RUNDC3B: variants seen among roughly 807,000 people sequenced by gnomAD.
RUNDC3B encodes RUN domain-containing protein 3B.
In RUNDC3B, 33 loss-of-function variants were observed where a neutral mutation model predicts 58.4. The observed-to-expected ratio is 0.56, with a 90% CI of 0.43 to 0.75. The LOEUF is 0.75. RUNDC3B is among the 30% of genes least tolerant of loss of function. The pLI, the probability that RUNDC3B is intolerant of heterozygous loss-of-function variation, is 0.00. For synonymous variants in RUNDC3B, 193 were observed against 195.2 expected (o/e 0.99, Z 0.10); for missense variants, 501 against 535.7 (o/e 0.94, Z 0.64).
In RUNDC3B at chr7:87,659,271, G is replaced by A. The variant is rs1399902699; in HGVS notation, c.238+8334G>A. ...CCATTTTACTTTTAGTTTTCTGTTT[G>A]TTCCCCCTGTTCTTGGTTTCTCTGT... is the stretch of plus-strand genomic sequence containing the variant. On this transcript the variant is annotated intron_variant, in intron 2 of 10. Coordinates refer to ENST00000394654, the MANE Select transcript of RUNDC3B (RefSeq NM_001134405.2). 128 of 405,876 alleles carry A rather than the reference G, an allele frequency of 3.2e-4. 1 individual carries two copies. Among genetic ancestry groups the A allele is most frequent in the Non-Finnish European group, 3.4e-5 (7 of 204,736 alleles). The allele number at this position is 405,876 out of a possible 1,614,324, so 25.1% of individuals were successfully genotyped here. A position where few individuals can be genotyped will look rare whatever the true frequency, so the allele number is the denominator to read the frequency against.
Position 87,831,092 on chromosome 7 carries a change from A to G in RUNDC3B, c.*1062A>G, listed in dbSNP as rs1838103197. The G allele has an allele frequency of 6.6e-6, 1 of 150,632 alleles. No individual in the cohort carries two copies. The highest frequency in any genetic ancestry group is 1.5e-5 in the Non-Finnish European group (1 of 67,584). The allele number at this position is 150,632 out of a possible 1,614,324, so 9.3% of individuals were successfully genotyped here. ...GTAAAATTAGTTTTTTTTTTTTTAA[A>G]GTTGTAATCTGTACTTTTTTTTTTT... is the stretch of plus-strand genomic sequence containing the variant. On this transcript the variant is annotated 3_prime_UTR_variant, in exon 11 of 11. Coordinates refer to ENST00000394654, the MANE Select transcript of RUNDC3B (RefSeq NM_001134405.2).
chr7:87,750,226 T>C lies in RUNDC3B; in HGVS notation c.629+8647T>C, dbSNP rs186457844. On this transcript the variant is annotated intron_variant, in intron 6 of 10. Coordinates refer to ENST00000394654, the MANE Select transcript of RUNDC3B (RefSeq NM_001134405.2). ...CATGAACTTATCATTTTTTATGGCT[T>C]CATAGTATTCCATGGTGTATATGTG... Among the ~76,000 whole-genome samples, 752 of 152,248 alleles carry C rather than the reference T, an allele frequency of 4.9e-3. 7 individuals carry two copies. The highest frequency in any genetic ancestry group is 0.017 in the African/African-American group (720 of 41,534).
At chr7:87,670,540 A>G (rs1159162124) in intron 2 of RUNDC3B, among the ~76,000 whole-genome samples, 2 of 152,232 alleles carry the variant, frequency 1.3e-5, no homozygotes, top group Non-Finnish European at 2.9e-5. Context: ...TGGATGGCAT[A>G]CAATACTCTG....
intron 6 of RUNDC3B, among the ~76,000 whole-genome samples, chr7:87,751,702 G>C (rs1019585580): frequency 6.6e-6 from 1 of 152,020 alleles, no homozygotes; most frequent in African/African-American, 2.4e-5. Context: ...GTATAAGAAT[G>C]CTTGTGATTT....
At chr7:87,799,069 A>C (rs1479913640) in intron 8 of RUNDC3B, among the ~76,000 whole-genome samples, 4 of 152,222 alleles carry the variant, frequency 2.6e-5, no homozygotes, top group Non-Finnish European at 2.9e-5. Context: ...AATTCCAGGA[A>C]GCTTTAAATG....
At chr7:87,737,374 G>A (rs928260397) in intron 4 of RUNDC3B, among the ~76,000 whole-genome samples, 8 of 151,930 alleles carry the variant, frequency 5.3e-5, no homozygotes, top group African/African-American at 1.7e-4. Flanking sequence ...AAAATGAAAA[G>A]GTTGAAATTT....
intron 4 of RUNDC3B, among the ~76,000 whole-genome samples, chr7:87,719,400 TA>T (rs1239333906): frequency 1.3e-5 from 2 of 151,586 alleles, no homozygotes; most frequent in Non-Finnish European, 3.0e-5. Context: ...AAATTACATG[TA>T]AAAATAAACA....
At chr7:87,701,160 A>G (rs1380848043) in intron 3 of RUNDC3B, among the ~76,000 whole-genome samples, 1 of 152,246 alleles carries the variant, frequency 6.6e-6, no homozygotes, top group Non-Finnish European at 1.5e-5. Flanking sequence ...AATTCTTTGA[A>G]TTGTGAGCTG....
intron 2 of RUNDC3B, among the ~76,000 whole-genome samples, chr7:87,673,796 G>C (rs929190482): frequency 2.0e-5 from 3 of 152,222 alleles, no homozygotes; most frequent in Non-Finnish European, 4.4e-5. Flanking sequence ...GGCTGTTTGA[G>C]TTGCCAGAGG....
At chr7:87,757,084 A>G (rs1702597765) in intron 6 of RUNDC3B, among the ~76,000 whole-genome samples, 1 of 152,198 alleles carries the variant, frequency 6.6e-6, no homozygotes, top group African/African-American at 2.4e-5. Context: ...CACTCTAAGT[A>G]TAGATAAAGC....
intron 2 of RUNDC3B, among the ~76,000 whole-genome samples, chr7:87,662,705 T>A (rs894503105): frequency 2.0e-5 from 3 of 152,174 alleles, no homozygotes; most frequent in African/African-American, 7.2e-5. Context: ...CAGTTTTGTT[T>A]CTTTTGCTCA....
chr7:87,707,072 C>T (rs1829663158), intron 3 of RUNDC3B, among the ~76,000 whole-genome samples: 1 of 152,026 alleles, frequency 6.6e-6, no homozygotes, highest in African/African-American at 2.4e-5. Context: ...AAGTAGTCCC[C>T]TAAATTGTGA....
At chr7:87,753,135 A>C (rs540866053) in intron 6 of RUNDC3B, among the ~76,000 whole-genome samples, 1 of 151,758 alleles carries the variant, frequency 6.6e-6, no homozygotes, top group Non-Finnish European at 1.5e-5. Flanking sequence ...TTATGTACCC[A>C]GTAGTCATTC....
At chr7:87,709,397 C>T in intron 3 of RUNDC3B, 1 of 985,330 alleles carries the variant, frequency 1.0e-6, no homozygotes, top group Non-Finnish European at 1.2e-6. Context: ...AGTAGCTTGC[C>T]TCTTCCTTCC....
intron 6 of RUNDC3B, among the ~76,000 whole-genome samples, chr7:87,756,970 T>A (rs1000956701): frequency 1.3e-5 from 2 of 152,150 alleles, no homozygotes; most frequent in Non-Finnish European, 2.9e-5. Flanking sequence ...CCTGTTTAGA[T>A]CTTTTAAACC....
chr7:87,702,236 A>G (rs1829150293), intron 3 of RUNDC3B, among the ~76,000 whole-genome samples: 1 of 135,512 alleles, frequency 7.4e-6, no homozygotes, highest in African/African-American at 2.7e-5. Context: ...AAAATGTGTT[A>G]TTTATGTTAA....
At chr7:87,631,835 T>A (rs560144008) in intron 1 of RUNDC3B, among the ~76,000 whole-genome samples, 1 of 152,156 alleles carries the variant, frequency 6.6e-6, no homozygotes, top group Non-Finnish European at 1.5e-5. Context: ...ACCTTTCCAT[T>A]TGTTCATTTT....
At chr7:87,751,397 T>C (rs1010077998) in intron 6 of RUNDC3B, among the ~76,000 whole-genome samples, 1 of 152,174 alleles carries the variant, frequency 6.6e-6, no homozygotes, top group Non-Finnish European at 1.5e-5. Context: ...TTTAAAGTAG[T>C]TTTTTCCAAT....
chr7:87,816,006 G>A, intron 9 of RUNDC3B, 135 bp from the exon 10 acceptor site: 1 of 632,730 alleles, frequency 1.6e-6, no homozygotes, highest in South Asian at 2.1e-5. Context: ...CCAAGAATAT[G>A]AAGCAAAATT....
Sources: allele counts gnomAD v4.1 joint callset (sites outside exome capture counted in the v4.1 genomes callset), GRCh38; gene constraint gnomAD v4.1.1; transcripts MANE v1.5; gene names NCBI Gene and HGNC (gene_info 2026-07-23, HGNC 2026-07-21).